Variants in BCAP29 observed in about 807,000 individuals in gnomAD.
BCAP29 encodes B-cell receptor-associated protein 29.
A neutral mutation model predicts 31.8 loss-of-function variants in BCAP29; 34 were observed. The ratio of observed to expected loss-of-function variants is 1.07; its 90% CI spans 0.81 to 1.42. BCAP29 has a LOEUF of 1.42. BCAP29 is among the 40% of genes most tolerant of loss of function. The probability of loss-of-function intolerance (pLI) is 0.00; values close to 1 mark genes in which losing one functional copy is unlikely to be tolerated. For synonymous variants in BCAP29, 104 were observed against 91.3 expected (o/e 1.14, Z -0.79); for missense variants, 314 against 269.2 (o/e 1.17, Z -1.16).
At chr7:107,583,069 G>A (rs539199497) in intron 2 of BCAP29, among the ~76,000 whole-genome samples, 2 of 151,912 alleles carry the variant, frequency 1.3e-5, no homozygotes, top group East Asian at 1.9e-4. Context: ...AGCTATTTAA[G>A]TGCTTACTAC....
At chr7:107,600,820 CCATCATCGTATA>C (rs1811039765) in intron 6 of BCAP29, among the ~76,000 whole-genome samples, 1 of 152,168 alleles carries the variant, frequency 6.6e-6, no homozygotes, top group Non-Finnish European at 1.5e-5. Context: ...TCACATTTTT[CCATCATCGTATA>C]TTCCTCCTCT....
intron 3 of BCAP29, among the ~76,000 whole-genome samples, chr7:107,584,882 A>C (rs1256009240): frequency 1.3e-5 from 2 of 152,184 alleles, no homozygotes; most frequent in Non-Finnish European, 2.9e-5. Flanking sequence ...TTTGTAAATA[A>C]AGTTTTATTG....
chr7:107,599,283 T>TTATATATTATA (rs1563134160), intron 5 of BCAP29, among the ~76,000 whole-genome samples: 1 of 50,980 alleles, frequency 2.0e-5, no homozygotes, highest in African/African-American at 9.6e-5. Flanking sequence ...TATATATAAT[T>TTATATATTATA]TTTATATATA....
chr7:107,595,900 A>G lies in BCAP29; in HGVS notation c.378A>G (p.Gln126=), dbSNP rs777199344. Residue 126 remains glutamine (Q), a synonymous_variant, in exon 5 of 8, where the codon CAA becomes CAG. Coordinates refer to ENST00000005259, the MANE Select transcript of BCAP29 (RefSeq NM_018844.4). ...VLRRLVTLIT[Q]LAKELSNKGV... is the part of the protein sequence containing the mutation. Reference sequence around the variant, plus strand: ...GACGTCTGGTTACGCTTATTACTCAACTGGCAAAAGAACTGTCAAACAAAG... The same window carrying G: ...GACGTCTGGTTACGCTTATTACTCAGCTGGCAAAAGAACTGTCAAACAAAG... 60 of 1,603,366 alleles carry G rather than the reference A, an allele frequency of 3.7e-5. No homozygotes were observed. Among genetic ancestry groups the G allele is most frequent in the Middle Eastern group, 1.7e-4 (1 of 6,060 alleles).
rs747556101 is a variant in BCAP29 at position 107,595,994 on chromosome 7, C to G, written c.472C>G (p.Leu158Val). 6.4e-7 allele frequency: 1 copy of G among 1,566,986 alleles called. No homozygotes were observed. The highest frequency in any genetic ancestry group is 1.2e-5 in the South Asian group (1 of 82,282). ...AKKFMEENEK[L>V]KRILKSHGKD... ...AAAATTTATGGAAGAAAACGAAAAA[C>G]TAAAAAGGGTATTTAATTTTCTTTG... Residue 158 changes from leucine (L) to valine (V), a missense_variant, in exon 5 of 8, where the codon CTA becomes GTA. Transcript: ENST00000005259.
intron 5 of BCAP29, among the ~76,000 whole-genome samples, chr7:107,599,897 T>C (rs1174702888): frequency 2.6e-5 from 4 of 152,136 alleles, no homozygotes; most frequent in African/African-American, 7.2e-5. Context: ...TCAATGAAAA[T>C]TAGAACTTTC....
At position 107,619,781 on chromosome 7, in the gene BCAP29, T is replaced by G. The variant is rs188276191; in HGVS notation, c.*1418T>G. 1 of 152,258 alleles carries G rather than the reference T, an allele frequency of 6.6e-6. No homozygotes were observed. Among genetic ancestry groups the G allele is most frequent in the African/African-American group, 2.4e-5 (1 of 41,560 alleles). The allele number at this position is 152,258 out of a possible 1,614,324, so 9.4% of individuals were successfully genotyped here. A position where few individuals can be genotyped will look rare whatever the true frequency, so the allele number is the denominator to read the frequency against. ...AGTAAGAGCTATCTGGATAAATATA[T>G]AGATATTGAGTGCTTGGAATCCTAG... On this transcript the variant is annotated 3_prime_UTR_variant, in exon 8 of 8. Transcript: ENST00000005259.
In BCAP29 at chr7:107,600,473, A is replaced by C; in HGVS notation, c.557A>C (p.Lys186Thr). ...AAAAAACTAGTAGAAGACCAGGAGAAACTGAAAACTGAATTAAGGAAGACT... is the reference window on the plus strand; with the variant it reads ...AAAAAACTAGTAGAAGACCAGGAGACACTGAAAACTGAATTAAGGAAGACT... ...ENKKLVEDQEKLKTELRKTSD... is the reference protein window; with the variant it reads ...ENKKLVEDQETLKTELRKTSD... Residue 186 changes from lysine (K) to threonine (T), a missense_variant, in exon 6 of 8, where the codon AAA (lysine) becomes ACA (threonine). By Grantham distance (78) the Lys-to-Thr change is moderately conservative (BLOSUM62 -1). Coordinates refer to ENST00000005259, the MANE Select transcript of BCAP29 (RefSeq NM_018844.4). 6.2e-7 allele frequency: 1 copy of C among 1,606,736 alleles called. No individual in the cohort carries two copies. Among genetic ancestry groups the C allele is most frequent in the African/African-American group, 1.3e-5 (1 of 74,838 alleles).
At chr7:107,599,272 T>TTATATATATA (rs1315360452) in intron 5 of BCAP29, among the ~76,000 whole-genome samples, 1 of 84,230 alleles carries the variant, frequency 1.2e-5, no homozygotes, top group Non-Finnish European at 2.2e-5. Flanking sequence ...ATATATATAT[T>TTATATATATA]TATATATAAT....
At position 107,600,524 on chromosome 7, in the gene BCAP29, G is replaced by T. The variant is rs1563135096; in HGVS notation, c.589+19G>T. The T allele has an allele frequency of 6.9e-7, 1 of 1,448,384 alleles. No individual in the cohort carries two copies. The highest frequency in any genetic ancestry group is 1.2e-5 in the South Asian group (1 of 85,252). The allele number at this position is 1,448,384 out of a possible 1,614,324, so 89.7% of individuals were successfully genotyped here. ...TCAGATGGTAACTTTGTGTACATGT[G>T]AAAAAGTAAAAAGACTAGCATGATA... On this transcript the variant is annotated intron_variant, in intron 6 of 7. Transcript: ENST00000005259.
intron 6 of BCAP29, among the ~76,000 whole-genome samples, chr7:107,606,155 G>A (rs1281657329): frequency 6.6e-6 from 1 of 152,120 alleles, no homozygotes; most frequent in African/African-American, 2.4e-5. Flanking sequence ...CTAAATATTA[G>A]AAGCTGTTCA....
rs1333056604 is a variant in BCAP29, at chr7:107,600,405, A to G, written c.489A>G (p.Lys163=). The G allele has an allele frequency of 1.9e-6, 3 of 1,595,830 alleles. No individual in the cohort carries two copies. Among genetic ancestry groups the G allele is most frequent in the Non-Finnish European group, 2.6e-6 (3 of 1,165,826 alleles). ...EENEKLKRIL[K]SHGKDEECVL... is the part of the protein sequence containing the mutation. ...ATCTCCTTTTGCAATAGATTTTGAA[A>G]AGCCATGGTAAAGATGAAGAATGTG... The change falls in exon 6 of 8, where the codon AAA becomes AAG. Residue 163 remains lysine, a synonymous_variant. Transcript: ENST00000005259.
intron 5 of BCAP29, among the ~76,000 whole-genome samples, chr7:107,599,247 ATATATATAATTTTTATATATATATT>A (rs1810580400): frequency 1.6e-5 from 2 of 127,884 alleles, no homozygotes; most frequent in Non-Finnish European, 3.1e-5. Flanking sequence ...TTATATATAA[ATATATATAATTTTTATATATATATT>A]TATATATAAT....
At chr7:107,589,253 C>T (rs1808275276) in intron 3 of BCAP29, among the ~76,000 whole-genome samples, 1 of 152,088 alleles carries the variant, frequency 6.6e-6, no homozygotes, top group African/African-American at 2.4e-5. Flanking sequence ...ATGATTCAAG[C>T]ACATTAAATT....
At chr7:107,580,680 C>G in intron 1 of BCAP29, 79 bp from the exon 2 acceptor site, 2 of 978,614 alleles carry the variant, frequency 2.0e-6, no homozygotes, top group Admixed American at 4.9e-5. Context: ...ATCCCCTGGA[C>G]AAAAACGCTG....
At chr7:107,607,242 G>A (rs1318616376) in intron 6 of BCAP29, among the ~76,000 whole-genome samples, 1 of 152,196 alleles carries the variant, frequency 6.6e-6, no homozygotes, top group Non-Finnish European at 1.5e-5. Flanking sequence ...GCTTGAGCCT[G>A]GGAGGCACAG....
intron 5 of BCAP29, among the ~76,000 whole-genome samples, chr7:107,599,588 T>C (rs1286017086): frequency 1.3e-5 from 2 of 151,014 alleles, no homozygotes; most frequent in Non-Finnish European, 3.0e-5. Flanking sequence ...CACAACAGTA[T>C]ACATATTATG....
intron 4 of BCAP29, 43 bp downstream of exon 4, chr7:107,594,148 C>T (rs962935087): frequency 1.3e-6 from 2 of 1,509,472 alleles, no homozygotes; most frequent in African/African-American, 1.4e-5. Context: ...AAAAACATGA[C>T]TTATGCTTTC....
chr7:107,593,860 A>C, intron 3 of BCAP29, 95 bp from the exon 4 acceptor site: 3 of 1,275,838 alleles, frequency 2.4e-6, no homozygotes, highest in Non-Finnish European at 3.2e-6. Context: ...TCCATTATTT[A>C]AAAGTTTGGT....
Sources: allele counts gnomAD v4.1 joint callset (sites outside exome capture counted in the v4.1 genomes callset), GRCh38; gene constraint gnomAD v4.1.1; transcripts MANE v1.5; gene names NCBI Gene and HGNC (gene_info 2026-07-23, HGNC 2026-07-21).